TCERG1L: variants seen among roughly 807,000 people sequenced by gnomAD.
TCERG1L encodes transcription elongation regulator 1 like.
Under a neutral mutation model 56.3 loss-of-function variants are expected in TCERG1L, and 37 were observed. The observed-to-expected ratio is 0.66, with a 90% confidence interval of 0.51 to 0.87. TCERG1L has a LOEUF of 0.87. TCERG1L is among the 40% of genes least tolerant of loss of function. The pLI is 0.00. For synonymous variants in TCERG1L, 324 were observed against 326.3 expected, an observed-to-expected ratio of 0.99 and a Z score of 0.08; for missense variants, 799 against 774.2, an observed-to-expected ratio of 1.03 and a Z score of -0.38.
At chr10:131,167,329 G>A (rs1166898231) in intron 4 of TCERG1L, among the ~76,000 whole-genome samples, 3 of 152,222 alleles carry the variant, frequency 2.0e-5, no homozygotes, top group African/African-American at 7.2e-5. Flanking sequence ...CAGCCCAGTG[G>A]GCCCAGGGTG....
intron 4 of TCERG1L, among the ~76,000 whole-genome samples, chr10:131,186,980 C>T (rs1164094602): frequency 6.6e-6 from 1 of 152,202 alleles, no homozygotes; most frequent in Non-Finnish European, 1.5e-5. Context: ...GACCTTGACC[C>T]CACACCTCCA....
intron 4 of TCERG1L, among the ~76,000 whole-genome samples, chr10:131,173,166 C>A (rs944198999): frequency 3.9e-5 from 6 of 152,110 alleles, no homozygotes; most frequent in African/African-American, 1.4e-4. Flanking sequence ...GCTGGGATTA[C>A]AGGTGTGAGC....
intron 4 of TCERG1L, among the ~76,000 whole-genome samples, chr10:131,201,498 G>C (rs936882185): frequency 6.6e-5 from 10 of 152,160 alleles, no homozygotes; most frequent in African/African-American, 2.2e-4. Context: ...ATTCATTATG[G>C]ACCCGTCACT....
At position 131,195,989 on chromosome 10, in the gene TCERG1L, A is replaced by G. The variant is rs149484414; in HGVS notation, c.857-29104T>C. ...GGGCAGCGGGGCTGGCACTGAGTGG[A>G]CACGCAGAAAATCTGTGAGTGACAC... is the stretch of plus-strand genomic sequence containing the variant. On this transcript the variant is annotated intron_variant, in intron 4 of 11. Transcript: ENST00000368642. Among the ~76,000 whole-genome samples the G allele has an allele frequency of 9.7e-4, 148 of 152,340 alleles. 2 individuals carry two copies. The East Asian group carries it at 0.02, about 21-fold the overall frequency.
intron 4 of TCERG1L, among the ~76,000 whole-genome samples, chr10:131,221,925 G>T (rs1257802275): frequency 6.6e-6 from 1 of 152,240 alleles, no homozygotes; most frequent in Non-Finnish European, 1.5e-5. Flanking sequence ...ACCTCTAGGT[G>T]ATGGACGAGG....
At chr10:131,167,018 G>A in intron 4 of TCERG1L, 133 bp from the exon 5 acceptor site, 2 of 725,634 alleles carry the variant, frequency 2.8e-6, no homozygotes, top group Non-Finnish European at 4.4e-6. Flanking sequence ...ACAGAAAGGT[G>A]GCATTGCCCT....
At chr10:131,290,996 G>C (rs1397675427) in intron 3 of TCERG1L, among the ~76,000 whole-genome samples, 3 of 152,112 alleles carry the variant, frequency 2.0e-5, no homozygotes, top group African/African-American at 7.2e-5. Flanking sequence ...CACTAACTAT[G>C]GCATTGTTGT....
chr10:131,298,032 T>C (rs1203480883), intron 3 of TCERG1L, among the ~76,000 whole-genome samples: 1 of 152,090 alleles, frequency 6.6e-6, no homozygotes, highest in Non-Finnish European at 1.5e-5. Context: ...CCTTATATTC[T>C]TCTGTTTTTT....
chr10:131,128,773 G>A (rs1845589163), intron 8 of TCERG1L, among the ~76,000 whole-genome samples: 1 of 152,130 alleles, frequency 6.6e-6, no homozygotes, highest in African/African-American at 2.4e-5. Flanking sequence ...AATCTCTAAG[G>A]AAGTCGTAGA....
At chr10:131,181,857 C>T (rs1435598185) in intron 4 of TCERG1L, among the ~76,000 whole-genome samples, 1 of 152,374 alleles carries the variant, frequency 6.6e-6, no homozygotes, top group Admixed American at 6.5e-5. Context: ...TTAAGGGAAA[C>T]CTTTGCAAAC....
chr10:131,143,348 C>A (rs1383155054), intron 7 of TCERG1L, among the ~76,000 whole-genome samples: 1 of 152,146 alleles, frequency 6.6e-6, no homozygotes, highest in East Asian at 1.9e-4. Context: ...CTCCTCGACC[C>A]CTTGGAGGCA....
At chr10:131,108,316 G>A (rs1023596555) in intron 9 of TCERG1L, among the ~76,000 whole-genome samples, 1 of 152,182 alleles carries the variant, frequency 6.6e-6, no homozygotes, top group Non-Finnish European at 1.5e-5. Context: ...TGCTTTCTGG[G>A]ATTCCTCGGT....
chr10:131,283,289 A>T (rs1218085684), intron 3 of TCERG1L, among the ~76,000 whole-genome samples: 1 of 152,224 alleles, frequency 6.6e-6, no homozygotes, highest in Admixed American at 6.5e-5. Context: ...CCTGAGAACC[A>T]GGCAGCAGTG....
intron 3 of TCERG1L, among the ~76,000 whole-genome samples, chr10:131,291,288 A>G (rs905512895): frequency 6.6e-6 from 1 of 151,764 alleles, no homozygotes; most frequent in Non-Finnish European, 1.5e-5. Context: ...AAACTTTAGA[A>G]TAATTTTAAT....
At position 131,113,478 on chromosome 10, in the gene TCERG1L, C is replaced by T. The variant is rs770332072; in HGVS notation, c.1395+3321G>A. 2.3e-4 allele frequency among the ~76,000 whole-genome samples: 33 copies of T among 142,442 alleles called. 6 individuals are homozygous for T. Among genetic ancestry groups the T allele is most frequent in the Non-Finnish European group, 4.9e-4 (31 of 63,246 alleles). The allele number at this position is 142,442 out of a possible 152,430, so 93.4% of individuals were successfully genotyped here. On this transcript the variant is annotated intron_variant, in intron 9 of 11. Transcript: ENST00000368642. Reference sequence around the variant, plus strand: ...AGACGGACAGGGCAAGGCTGCCCTTCCTTCTGCCTGGGACTGTAGAGGCCT... The same window carrying T: ...AGACGGACAGGGCAAGGCTGCCCTTTCTTCTGCCTGGGACTGTAGAGGCCT...
chr10:131,177,059 C>CATACACAGAGACACAT (rs1211107661), intron 4 of TCERG1L, among the ~76,000 whole-genome samples: 1 of 108,350 alleles, frequency 9.2e-6, no homozygotes, highest in African/African-American at 4.9e-5. Context: ...CAGACGTATA[C>CATACACAGAGACACAT]ACACACAGAC....
At chr10:131,250,263 A>C (rs1846093082) in intron 4 of TCERG1L, among the ~76,000 whole-genome samples, 1 of 152,212 alleles carries the variant, frequency 6.6e-6, no homozygotes, top group African/African-American at 2.4e-5. Context: ...TTAAAGAAGT[A>C]AAAGGAAATT....
intron 4 of TCERG1L, among the ~76,000 whole-genome samples, chr10:131,248,576 A>G (rs1846067983): frequency 6.6e-6 from 1 of 151,946 alleles, no homozygotes; most frequent in African/African-American, 2.4e-5. Context: ...GTGACCCCCT[A>G]GACTATCTCT....
intron 8 of TCERG1L, among the ~76,000 whole-genome samples, chr10:131,126,358 G>A (rs1402064284): frequency 3.9e-5 from 6 of 152,214 alleles, no homozygotes; most frequent in Non-Finnish European, 8.8e-5. Flanking sequence ...ATGCTGAGAG[G>A]CAGGCTCACC....
Sources: allele counts gnomAD v4.1 joint callset (sites outside exome capture counted in the v4.1 genomes callset), GRCh38; gene constraint gnomAD v4.1.1; transcripts MANE v1.5; gene names NCBI Gene and HGNC (gene_info 2026-07-23, HGNC 2026-07-21).